The following VPS8 variants were observed in gnomAD, a reference collection of about 807,000 sequenced individuals.
The protein encoded by VPS8 is vacuolar protein sorting-associated protein 8 homolog.
A neutral mutation model predicts 216.4 loss-of-function variants in VPS8; 129 were observed. That is an observed-to-expected ratio of 0.60 (90% CI 0.52 to 0.69). The LOEUF (loss-of-function observed/expected upper bound fraction) is 0.69, where lower values mean the gene tolerates loss of function less well. Among genes scored for constraint, VPS8 ranks in the 30% least tolerant of loss-of-function variants. The pLI, the probability that VPS8 is intolerant of heterozygous loss-of-function variation, is 0.00. For missense variants in VPS8, 1,531 were observed against 1,683.5 expected (o/e 0.91, Z 1.59); for synonymous variants, 571 against 565.4 (o/e 1.01, Z -0.14).
At chr3:184,927,548 G>T (rs1441434431) in intron 31 of VPS8, among the ~76,000 whole-genome samples, 1 of 152,092 alleles carries the variant, frequency 6.6e-6, no homozygotes, top group Non-Finnish European at 1.5e-5. Flanking sequence ...AATTCTATGA[G>T]CTCCAATATT....
At chr3:184,989,062 GAC>G (rs1751517373) in intron 42 of VPS8, among the ~76,000 whole-genome samples, 1 of 152,138 alleles carries the variant, frequency 6.6e-6, no homozygotes, top group Admixed American at 6.5e-5. Context: ...TGCAAACAAA[GAC>G]AGTTTTATTT....
intron 34 of VPS8, among the ~76,000 whole-genome samples, chr3:184,934,527 G>A (rs1255116426): frequency 6.6e-6 from 1 of 152,020 alleles, no homozygotes; most frequent in Non-Finnish European, 1.5e-5. Context: ...GTTGTTAATG[G>A]CATTTTTAAA....
At chr3:184,902,734 G>A (rs1734773620) in intron 25 of VPS8, among the ~76,000 whole-genome samples, 1 of 151,702 alleles carries the variant, frequency 6.6e-6, no homozygotes, top group Admixed American at 6.6e-5. Context: ...GGAGGCTGAG[G>A]CAGGAGAATC....
chr3:184,821,796 A>C (rs1717653372), intron 1 of VPS8, among the ~76,000 whole-genome samples: 1 of 152,100 alleles, frequency 6.6e-6, no homozygotes, highest in African/African-American at 2.4e-5. Flanking sequence ...TTTTCTGCAG[A>C]AGCGAGCTGG....
rs748806037 is a variant in VPS8, at chr3:185,024,384, A to T, written c.4051A>T (p.Lys1351Ter). Residue 1351 changes from lysine (K) to a stop codon, truncating the protein, a stop_gained, in exon 46 of 48, where the codon AAA (lysine) becomes TAA (stop). Transcript: ENST00000625842. LOFTEE classifies it high-confidence loss of function. ...TCAGTCCAAAGGGGATCCCACTGCT[A>T]AAAAGGTGAGTTTGTTTTAAAGGCA... ...YHQSKGDPTA[K>*]KGTSEPVLDP... is the part of the protein sequence containing the mutation. 1 of 1,596,284 alleles carries T rather than the reference A, an allele frequency of 6.3e-7. No individual in the cohort carries two copies. Among genetic ancestry groups the T allele is most frequent in the East Asian group, 2.2e-5 (1 of 44,562 alleles).
At chr3:184,935,474 G>A (rs1159787723) in intron 34 of VPS8, among the ~76,000 whole-genome samples, 5 of 152,118 alleles carry the variant, frequency 3.3e-5, no homozygotes, top group Non-Finnish European at 7.4e-5. Flanking sequence ...AGTCATAGTG[G>A]TTTGTCTGAG....
intron 46 of VPS8, among the ~76,000 whole-genome samples, chr3:185,034,807 C>T (rs1758662158): frequency 6.6e-6 from 1 of 151,832 alleles, no homozygotes; most frequent in Admixed American, 6.6e-5. Context: ...TGAATGAAAC[C>T]AAGACTTGAT....
intron 8 of VPS8, among the ~76,000 whole-genome samples, chr3:184,843,979 T>A (rs1340922564): frequency 6.6e-6 from 1 of 152,200 alleles, no homozygotes; most frequent in Non-Finnish European, 1.5e-5. Flanking sequence ...TCAGTAAGCC[T>A]TACAGAGGGA....
intron 21 of VPS8, among the ~76,000 whole-genome samples, chr3:184,879,295 A>G (rs988690493): frequency 6.6e-6 from 1 of 152,222 alleles, no homozygotes; most frequent in Non-Finnish European, 1.5e-5. Context: ...CAAGAGAAGC[A>G]GTCTTTTTTG....
intron 45 of VPS8, among the ~76,000 whole-genome samples, chr3:185,005,236 C>T (rs896973321): frequency 1.3e-5 from 2 of 152,132 alleles, no homozygotes; most frequent in Non-Finnish European, 2.9e-5. Context: ...GGTCTACATT[C>T]CTATTTTTAT....
chr3:184,891,638 C>A (rs1394905725), intron 22 of VPS8, among the ~76,000 whole-genome samples: 1 of 152,112 alleles, frequency 6.6e-6, no homozygotes, highest in Non-Finnish European at 1.5e-5. Flanking sequence ...TAAAGGAAAT[C>A]TTTACGAACT....
rs756216717 is a variant in VPS8, at chr3:185,049,567, A to G, written c.4137+1008A>G. ...CTAGAAACCCTTCTGTCCCCTCTCC[A>G]TGCTGCTGCCTGGCTACCCTTTCTA... On this transcript the variant is annotated intron_variant, in intron 47 of 47. Transcript: ENST00000625842. Among the ~76,000 whole-genome samples the G allele has an allele frequency of 3.9e-5, 6 of 152,006 alleles. No individual in the cohort carries two copies. The South Asian group carries it at 6.2e-4, about 16-fold the overall frequency.
Position 184,834,662 on chromosome 3 carries a change from C to T in VPS8, c.367C>T (p.Pro123Ser). ...TTTTTTTTTCAGGAAGAAGAAATTA[C>T]CTGATTCTTTTTCACTTCATGGATC... The part of the protein sequence containing the change: ...RTNLKRKKKL[P>S]DSFSLHGSVM... Residue 123 changes from proline (P) to serine (S), a missense_variant, in exon 5 of 48, where the codon CCT (proline) becomes TCT (serine). Coordinates refer to ENST00000625842, the MANE Select transcript of VPS8 (RefSeq NM_001009921.3). The T allele has an allele frequency of 6.5e-7, 1 of 1,536,738 alleles. No individual in the cohort carries two copies. The highest frequency in any genetic ancestry group is 8.8e-7 in the Non-Finnish European group (1 of 1,141,128).
chr3:185,010,866 G>A (rs1044373247), intron 45 of VPS8, among the ~76,000 whole-genome samples: 2 of 152,140 alleles, frequency 1.3e-5, no homozygotes, highest in Admixed American at 1.3e-4. Flanking sequence ...TAGCCAAGCG[G>A]GTGGCACATG....
At chr3:184,849,470 C>A in intron 9 of VPS8, 2 of 294,174 alleles carry the variant, frequency 6.8e-6, no homozygotes, top group Non-Finnish European at 1.3e-5. Context: ...ATAAAATGTA[C>A]TTCCTTACAG....
In VPS8 at chr3:184,870,752, C is replaced by G; in HGVS notation, c.1681C>G (p.Leu561Val). 2 of 1,612,634 alleles carry G rather than the reference C, an allele frequency of 1.2e-6. No individual in the cohort carries two copies. The highest frequency in any genetic ancestry group is 2.2e-5 in the South Asian group (2 of 90,778). The change falls in exon 21 of 48, where the codon CTG becomes GTG. Residue 561 changes from leucine (L) to valine (V), a missense_variant. By Grantham distance (32) the Leu-to-Val change is conservative (BLOSUM62 1). Transcript: ENST00000625842. ...CCTATTCCATTATGCAGATCGAGCT[C>G]TGAAAAAGTGCCCAGACCAAGGAAA... ...EILFHYADRA[L>V]KKCPDQGKIQ...
At chr3:185,033,025 C>A (rs941390412) in intron 46 of VPS8, among the ~76,000 whole-genome samples, 1 of 152,112 alleles carries the variant, frequency 6.6e-6, no homozygotes, top group African/African-American at 2.4e-5. Flanking sequence ...GCAGTAAGCA[C>A]AGAGTTCCCA....
chr3:184,981,428 C>CT (rs67454758), intron 40 of VPS8, among the ~76,000 whole-genome samples: 794 of 68,474 alleles, frequency 0.012, 23 homozygotes, highest in African/African-American at 0.036. Flanking sequence ...GCAGTGGGTT[C>CT]TTTTTTTTTT....
chr3:185,051,695 A>G (rs919412788), intron 47 of VPS8, among the ~76,000 whole-genome samples, 181 bp from the exon 48 acceptor site: 1 of 152,198 alleles, frequency 6.6e-6, no homozygotes, highest in Non-Finnish European at 1.5e-5. Context: ...CTAAAAAATG[A>G]AGTGAACTTG....
Sources: allele counts gnomAD v4.1 joint callset (sites outside exome capture counted in the v4.1 genomes callset), GRCh38; gene constraint gnomAD v4.1.1; transcripts MANE v1.5; gene names NCBI Gene and HGNC (gene_info 2026-07-23, HGNC 2026-07-21).